The following MTMR10 variants were observed in gnomAD, a reference collection of about 807,000 sequenced individuals.
MTMR10 encodes the protein myotubularin related protein 10, also known as myotubularin-related protein 10.
In MTMR10, 56 loss-of-function variants were observed where a neutral mutation model predicts 88.1. That is an observed-to-expected ratio of 0.64 (90% confidence interval 0.51 to 0.79). The LOEUF (loss-of-function observed/expected upper bound fraction) is 0.79. MTMR10 is among the 30% of genes least tolerant of loss of function. The probability of loss-of-function intolerance (pLI) is 0.00; values close to 1 mark genes in which losing one functional copy is unlikely to be tolerated. For missense variants in MTMR10, 883 were observed against 924.7 expected (o/e 0.95, Z 0.58); for synonymous variants, 380 against 340.9 (o/e 1.11, Z -1.26).
chr15:30,934,451 CTTA>C (rs1286664015), downstream of MTMR10, among the ~76,000 whole-genome samples: 1 of 152,132 alleles, frequency 6.6e-6, no homozygotes, highest in Admixed American at 6.5e-5. Flanking sequence ...AATCCTGATA[CTTA>C]TTTTCTCTTT....
At chr15:30,924,423 T>C in the MTMR10 span, among the ~76,000 whole-genome samples, 20 of 152,222 alleles carry the variant, frequency 1.3e-4, no homozygotes, top group Admixed American at 1.3e-3. Context: ...TTTTTCACAG[T>C]GTTTACACCA....
the MTMR10 span, among the ~76,000 whole-genome samples, chr15:30,930,304 C>T: frequency 1.3e-5 from 2 of 152,100 alleles, no homozygotes; most frequent in African/African-American, 2.4e-5. Flanking sequence ...AGCATGGCCA[C>T]GCTGGCAGAA....
chr15:30,972,286 C>T (rs1030001391), intron 5 of MTMR10, among the ~76,000 whole-genome samples: 1 of 152,112 alleles, frequency 6.6e-6, no homozygotes, highest in East Asian at 1.9e-4. Flanking sequence ...AGCCGTCAAG[C>T]TTTGGTAGCC....
the MTMR10 span, chr15:30,925,857 G>A: frequency 6.2e-7 from 1 of 1,614,220 alleles, no homozygotes; most frequent in East Asian, 2.2e-5. Flanking sequence ...TGGAGGCCGG[G>A]GAGGCCGCTG....
At chr15:30,931,951 G>A in the MTMR10 span, among the ~76,000 whole-genome samples, 7,752 of 151,238 alleles carry the variant, frequency 0.051, 312 homozygotes, top group Admixed American at 0.13. Context: ...GGCCGGGTAC[G>A]GTGGCTCACA....
At chr15:30,990,634 T>C in intron 2 of MTMR10, 143 bp downstream of exon 2, 1 of 704,798 alleles carries the variant, frequency 1.4e-6, no homozygotes, top group Non-Finnish European at 2.3e-6. Flanking sequence ...GACAGTTCCT[T>C]TTTCTCCTCT....
chr15:30,949,069 T>C (rs1595913068), intron 12 of MTMR10: 1 of 152,392 alleles, frequency 6.6e-6, no homozygotes, highest in African/African-American at 2.4e-5. Context: ...GCAAAGTTGG[T>C]TTAACATCTG....
At chr15:30,969,028 G>A (rs1177120086) in intron 5 of MTMR10, among the ~76,000 whole-genome samples, 2 of 150,224 alleles carry the variant, frequency 1.3e-5, no homozygotes, top group East Asian at 1.9e-4. Context: ...AAGGTAAAGC[G>A]TTAAGTTAAG....
At position 30,985,684 on chromosome 15, in the gene MTMR10, G is replaced by A. The variant is rs959019197; in HGVS notation, c.121+5093C>T. Among the ~76,000 whole-genome samples, 6 of 152,220 alleles carry A rather than the reference G, an allele frequency of 3.9e-5. 1 individual carries two copies. The highest frequency in any genetic ancestry group is 8.8e-5 in the Non-Finnish European group (6 of 68,036). ...TCGTTCAAAGTATGTTCAGAAACATGCCTGGTAATAGCTTAGCAAAAAGAA... is the reference window on the plus strand; with the variant it reads ...TCGTTCAAAGTATGTTCAGAAACATACCTGGTAATAGCTTAGCAAAAAGAA... On this transcript the variant is annotated intron_variant, in intron 2 of 15. Coordinates refer to ENST00000435680, the MANE Select transcript of MTMR10 (RefSeq NM_017762.3).
chr15:30,935,384 C>T (rs903601126), downstream of MTMR10, among the ~76,000 whole-genome samples: 1 of 152,024 alleles, frequency 6.6e-6, no homozygotes, highest in African/African-American at 2.4e-5. Context: ...AGTAGTTAGC[C>T]CTCTGTATCC....
chr15:30,985,787 T>C lies in MTMR10; in HGVS notation c.121+4990A>G, dbSNP rs571302019. 1.5e-4 allele frequency among the ~76,000 whole-genome samples: 23 copies of C among 152,314 alleles called. No individual in the cohort carries two copies. The East Asian group carries it at 4.2e-3, about 28-fold the overall frequency. ...CTTCAACACACATTAGTGCACTTCC[T>C]TGGGGTTCTTCACTCTTTTCAACAG... On this transcript the variant is annotated intron_variant, in intron 2 of 15. Coordinates refer to ENST00000435680, the MANE Select transcript of MTMR10 (RefSeq NM_017762.3).
chr15:30,929,168 G>T, the MTMR10 span: 14 of 1,594,568 alleles, frequency 8.8e-6, no homozygotes, highest in Non-Finnish European at 1.2e-5. Flanking sequence ...CTCTCTGCAG[G>T]CACAGTATGA....
In MTMR10 at chr15:30,975,041, CAAT is replaced by C. The variant is rs766651412; in HGVS notation, c.259-41_259-39del. ...ATTATGTTCATATTAATTCTTTTCC[CAAT>C]AATCTCACAATGGTAGTATAAGCCT... On this transcript the variant is annotated intron_variant, in intron 3 of 15. Coordinates refer to ENST00000435680, the MANE Select transcript of MTMR10 (RefSeq NM_017762.3). 6.2e-5 allele frequency: 86 copies of C among 1,395,892 alleles called. 1 individual carries two copies. The South Asian group carries it at 9.8e-4, about 16-fold the overall frequency. 86.5% of individuals were successfully genotyped at this position (1,395,892 alleles called of 1,614,324 possible).
intron 12 of MTMR10, among the ~76,000 whole-genome samples, chr15:30,951,666 A>C (rs2141006348): frequency 6.6e-6 from 1 of 152,078 alleles, no homozygotes; most frequent in East Asian, 1.9e-4. Flanking sequence ...CTCCTGACTA[A>C]TTTTTGTATT....
Position 30,941,964 on chromosome 15 carries a change from G to A in MTMR10, c.1840C>T (p.Pro614Ser). 1 of 1,614,002 alleles carries A rather than the reference G, an allele frequency of 6.2e-7. No homozygotes were observed. Among genetic ancestry groups the A allele is most frequent in the Non-Finnish European group, 8.5e-7 (1 of 1,179,898 alleles). ...RRNSLILKPKPDPAQQTDSQN... is the reference protein window; with the variant it reads ...RRNSLILKPKSDPAQQTDSQN... ...CTGTCGGTTTGCTGAGCTGGATCTG[G>A]CTTTGGTTTTAATATCAATGAATTT... Residue 614 changes from proline (P) to serine (S), a missense_variant, in exon 16 of 16, where the codon CCA becomes TCA. Around this residue, in one of 3 missense-constraint regions of MTMR10, gnomAD observed 343 missense variants for 323.2 expected, o/e 1.06. Coordinates refer to ENST00000435680, the MANE Select transcript of MTMR10 (RefSeq NM_017762.3).
At chr15:30,951,647 A>G (rs1219693001) in intron 12 of MTMR10, among the ~76,000 whole-genome samples, 1 of 152,034 alleles carries the variant, frequency 6.6e-6, no homozygotes, top group Non-Finnish European at 1.5e-5. Flanking sequence ...CTACAGGCGC[A>G]CACCACCACT....
In MTMR10 at chr15:30,939,873, A is replaced by G. The variant is rs889910242; in HGVS notation, c.*1597T>C. 7 of 985,290 alleles carry G rather than the reference A, an allele frequency of 7.1e-6. No homozygotes were observed. In the African/African-American group the frequency reaches 1.2e-4, roughly 17 times the overall value. 61.0% of individuals were successfully genotyped at this position (985,290 alleles called of 1,614,324 possible). A position where few individuals can be genotyped will look rare whatever the true frequency, so the allele number is the denominator to read the frequency against. On this transcript the variant is annotated 3_prime_UTR_variant, in exon 16 of 16. Transcript: ENST00000435680. The stretch of plus-strand genomic sequence containing the variant: ...TTTGTATAAACTGAAACTAGCCCTT[A>G]TTTTCTAGGCAACAAGTTGGCAAAA...
chr15:30,931,554 T>A, the MTMR10 span, among the ~76,000 whole-genome samples: 1 of 152,284 alleles, frequency 6.6e-6, no homozygotes, highest in East Asian at 1.9e-4. Flanking sequence ...TGTTATAGTT[T>A]TAGGTTTTAC....
chr15:30,966,725 A>AC (rs1287211145), intron 6 of MTMR10, among the ~76,000 whole-genome samples: 3 of 139,196 alleles, frequency 2.2e-5, no homozygotes, highest in East Asian at 3.9e-4. Flanking sequence ...AGCCTCAGTT[A>AC]CAATTATGTA....
Sources: gnomAD v4.1 joint callset for allele counts (sites outside exome capture counted in the v4.1 genomes callset) on GRCh38, gnomAD v4.1.1 for gene constraint, gnomAD v4.1.1 regional missense constraint, MANE v1.5 for transcripts, NCBI Gene and HGNC (gene_info 2026-07-23, HGNC 2026-07-21) for gene names.